COL6A6: variants seen among roughly 807,000 people sequenced by gnomAD.
COL6A6 encodes the protein collagen type VI alpha 6 chain, also known as collagen alpha-6(VI) chain.
A neutral mutation model predicts 208.6 loss-of-function variants in COL6A6; 183 were observed. The ratio of observed to expected loss-of-function variants is 0.88; its 90% CI spans 0.78 to 0.99. COL6A6 has a LOEUF of 0.99. Among genes scored for constraint, COL6A6 ranks in the 50% least tolerant of loss-of-function variants. The pLI is 0.00. For synonymous variants in COL6A6, 973 were observed against 1,011.8 expected (o/e 0.96, Z 0.73); for missense variants, 2,816 against 2,815.2 (o/e 1.00, Z -0.01).
intron 1 of COL6A6, among the ~76,000 whole-genome samples, chr3:130,525,980 C>T (rs2061952833): frequency 8.0e-6 from 1 of 125,028 alleles, no homozygotes; most frequent in Non-Finnish European, 1.8e-5. Flanking sequence ...AATAATTCAA[C>T]AAATAGTTAT....
chr3:130,622,917 G>GAA, intron 24 of COL6A6, among the ~76,000 whole-genome samples: 1 of 151,932 alleles, frequency 6.6e-6, no homozygotes, highest in East Asian at 1.9e-4. Context: ...GGCAAGCAGA[G>GAA]AAGGGAATGG....
At chr3:130,594,471 T>C (rs1030727156) in intron 18 of COL6A6, 128 bp downstream of exon 18, 1 of 699,090 alleles carries the variant, frequency 1.4e-6, no homozygotes, top group Non-Finnish European at 2.4e-6. Flanking sequence ...GATTGTAACA[T>C]TTTAAATTCA....
At chr3:130,603,750 A>G (rs770776138) in intron 20 of COL6A6, among the ~76,000 whole-genome samples, 1 of 152,188 alleles carries the variant, frequency 6.6e-6, no homozygotes, top group South Asian at 2.1e-4. Flanking sequence ...ATTGTTCATC[A>G]TTGTAAATGC....
chr3:130,636,712 A>G (rs992444536), intron 28 of COL6A6, among the ~76,000 whole-genome samples: 2 of 140,512 alleles, frequency 1.4e-5, no homozygotes, highest in Non-Finnish European at 3.1e-5. Context: ...AAATAAGGAA[A>G]CTCCTCTTCT....
intron 35 of COL6A6, among the ~76,000 whole-genome samples, chr3:130,663,059 A>G (rs557950151): frequency 6.6e-6 from 1 of 152,338 alleles, no homozygotes; most frequent in African/African-American, 2.4e-5. Flanking sequence ...CTTGCAGTCC[A>G]GATACAGAAA....
chr3:130,635,368 T>C (rs1463953453), intron 27 of COL6A6, among the ~76,000 whole-genome samples: 3 of 152,270 alleles, frequency 2.0e-5, no homozygotes, highest in African/African-American at 7.2e-5. Flanking sequence ...ATCTTCTACC[T>C]TGGAGATACC....
Position 130,566,769 on chromosome 3 carries a change from A to C in COL6A6, c.1350A>C (p.Thr450=). 6.2e-7 allele frequency: 1 copy of C among 1,614,056 alleles called. No individual in the cohort carries two copies. Among genetic ancestry groups the C allele is most frequent in the Non-Finnish European group, 8.5e-7 (1 of 1,179,906 alleles). Residue 450 remains threonine, a synonymous_variant, in exon 5 of 37, where the codon ACA becomes ACC. Coordinates refer to ENST00000358511, the MANE Select transcript of COL6A6 (RefSeq NM_001102608.3). ...LIDGSGSTQA[T]DFHEMKTFLS... is the part of the protein sequence containing the mutation. ...ATGGCTCAGGGAGCACCCAGGCCAC[A>C]GATTTCCATGAAATGAAGACGTTCC...
Position 130,658,666 on chromosome 3 carries a change from CTTCT to C in COL6A6, c.5734-7_5734-4del. The C allele has an allele frequency of 6.2e-7, 1 of 1,602,708 alleles. No individual in the cohort carries two copies. Among genetic ancestry groups the C allele is most frequent in the Non-Finnish European group, 8.5e-7 (1 of 1,171,526 alleles). Reference sequence around the variant, plus strand: ...CACTAAGTTCTTTCTGCTGCTTCTGCTTCTTTTAGATTGACGACACTGGCACATT... The same window carrying C: ...CACTAAGTTCTTTCTGCTGCTTCTGCTTTAGATTGACGACACTGGCACATT... On this transcript the variant is annotated splice_region_variant and splice_polypyrimidine_tract_variant and intron_variant, in intron 33 of 36. Coordinates refer to ENST00000358511, the MANE Select transcript of COL6A6 (RefSeq NM_001102608.3).
intron 1 of COL6A6, among the ~76,000 whole-genome samples, chr3:130,555,878 G>A (rs183329725): frequency 2.6e-5 from 4 of 152,124 alleles, no homozygotes; most frequent in Admixed American, 1.3e-4. Flanking sequence ...TGATAGTGGT[G>A]TATTAACTTT....
intron 13 of COL6A6, among the ~76,000 whole-genome samples, chr3:130,591,393 A>G (rs919261855): frequency 6.6e-6 from 1 of 152,164 alleles, no homozygotes; most frequent in African/African-American, 2.4e-5. Context: ...CATTCTGTAA[A>G]GGTAAACCAA....
At chr3:130,621,450 A>G (rs2064714164) in intron 23 of COL6A6, among the ~76,000 whole-genome samples, 1 of 152,200 alleles carries the variant, frequency 6.6e-6, no homozygotes, top group South Asian at 2.1e-4. Flanking sequence ...TTTCTACCAA[A>G]GCCAGTCCTT....
intron 1 of COL6A6, among the ~76,000 whole-genome samples, chr3:130,553,380 G>A (rs1016373515): frequency 1.3e-5 from 2 of 152,076 alleles, no homozygotes; most frequent in African/African-American, 4.8e-5. Flanking sequence ...ATTTTTGTCT[G>A]ACTGGGTTAT....
At chr3:130,602,506 G>A (rs2064054703) in intron 20 of COL6A6, among the ~76,000 whole-genome samples, 1 of 152,150 alleles carries the variant, frequency 6.6e-6, no homozygotes, top group Non-Finnish European at 1.5e-5. Flanking sequence ...ATGAATTCTG[G>A]CAAATAGTTC....
intron 20 of COL6A6, among the ~76,000 whole-genome samples, chr3:130,603,365 T>C (rs2064082723): frequency 6.6e-6 from 1 of 152,108 alleles, no homozygotes; most frequent in African/African-American, 2.4e-5. Flanking sequence ...AAAGGGAGGG[T>C]ACTAAATCCC....
At chr3:130,579,663 C>G (rs1214643593) in intron 8 of COL6A6, among the ~76,000 whole-genome samples, 1 of 152,176 alleles carries the variant, frequency 6.6e-6, no homozygotes, top group African/African-American at 2.4e-5. Flanking sequence ...TTTGGAAATC[C>G]AATTTCAGCT....
intron 1 of COL6A6, among the ~76,000 whole-genome samples, chr3:130,544,431 T>C (rs965196688): frequency 1.3e-5 from 2 of 152,234 alleles, no homozygotes; most frequent in African/African-American, 2.4e-5. Flanking sequence ...CATTCATCCA[T>C]GATGAACACT....
In COL6A6 at chr3:130,631,307, G is replaced by A. The variant is rs2065002750; in HGVS notation, c.4993-3283G>A. On this transcript the variant is annotated intron_variant, in intron 26 of 36. Coordinates refer to ENST00000358511, the MANE Select transcript of COL6A6 (RefSeq NM_001102608.3). ...TAAACTAGAAAATCTGGAAGAAACGGATACATTCCTCGACACATACACTCT... is the reference window on the plus strand; with the variant it reads ...TAAACTAGAAAATCTGGAAGAAACGAATACATTCCTCGACACATACACTCT... Among the ~76,000 whole-genome samples, 2 of 109,880 alleles carry A rather than the reference G, an allele frequency of 1.8e-5. 1 individual carries two copies. Among genetic ancestry groups the A allele is most frequent in the Non-Finnish European group, 3.2e-5 (2 of 61,938 alleles). The allele number at this position is 109,880 out of a possible 152,430, so 72.1% of individuals were successfully genotyped here.
At chr3:130,531,789 T>C (rs1163555287) in intron 1 of COL6A6, among the ~76,000 whole-genome samples, 1 of 152,160 alleles carries the variant, frequency 6.6e-6, no homozygotes, top group East Asian at 1.9e-4. Context: ...CTTGGTAGAG[T>C]CACTCGTTCT....
chr3:130,525,811 T>C (rs2061949782), intron 1 of COL6A6, among the ~76,000 whole-genome samples: 1 of 152,178 alleles, frequency 6.6e-6, no homozygotes, highest in Non-Finnish European at 1.5e-5. Context: ...GCATCAGCTA[T>C]CCTCCCTTCC....
Sources: allele counts gnomAD v4.1 joint callset (sites outside exome capture counted in the v4.1 genomes callset), GRCh38; gene constraint gnomAD v4.1.1; transcripts MANE v1.5; gene names NCBI Gene and HGNC (gene_info 2026-07-23, HGNC 2026-07-21).